ZC3H3: variants seen among roughly 807,000 people sequenced by gnomAD.
ZC3H3 encodes the protein zinc finger CCCH domain-containing protein 3.
In ZC3H3, 36 loss-of-function variants were observed where a neutral mutation model predicts 77.3. That is an observed-to-expected ratio of 0.47 (90% CI 0.36 to 0.61). The LOEUF (loss-of-function observed/expected upper bound fraction) is 0.61, where lower values mean the gene tolerates loss of function less well. Ranked by LOEUF, ZC3H3 falls within the 20% of genes least tolerant of loss-of-function variation. The pLI is 0.00. For missense variants in ZC3H3, 1,331 were observed against 1,312.2 expected (o/e 1.01, Z -0.22); for synonymous variants, 626 against 555.2 (o/e 1.13, Z -1.79).
chr8:143,442,748 A>C (rs1221761672), intron 9 of ZC3H3, among the ~76,000 whole-genome samples: 1 of 152,256 alleles, frequency 6.6e-6, no homozygotes, highest in Non-Finnish European at 1.5e-5. Context: ...ACTTAGTAGG[A>C]GCAAAATAAT....
rs956021689 is a variant in ZC3H3 at position 143,536,269 on chromosome 8, G to C, written c.1549C>G (p.Pro517Ala). 3.1e-6 allele frequency: 5 copies of C among 1,611,132 alleles called. No homozygotes were observed. The South Asian group carries it at 5.5e-5, about 18-fold the overall frequency. Residue 517 changes from proline (P) to alanine (A), a missense_variant, in exon 3 of 12, where the codon CCC becomes GCC. By Grantham distance (27) the Pro-to-Ala change is conservative. Coordinates refer to ENST00000262577, the MANE Select transcript of ZC3H3 (RefSeq NM_015117.3). Reference protein sequence around the residue: ...CRLPPSRAHLPTKEASSLHAV... With the variant: ...CRLPPSRAHLATKEASSLHAV... Reference sequence around the variant, plus strand: ...GCTCCCAGCATACCTTCCTTGGTGGGGAGGTGGGCCCGGCTCGGTGGCAGG... The same window carrying C: ...GCTCCCAGCATACCTTCCTTGGTGGCGAGGTGGGCCCGGCTCGGTGGCAGG...
chr8:143,509,696 A>G (rs971865014), intron 3 of ZC3H3, among the ~76,000 whole-genome samples: 2 of 152,206 alleles, frequency 1.3e-5, no homozygotes, highest in Non-Finnish European at 2.9e-5. Context: ...AGTCCTGCTC[A>G]GAGGCCAGGT....
At chr8:143,521,210 G>C (rs997702428) in intron 3 of ZC3H3, among the ~76,000 whole-genome samples, 3 of 152,240 alleles carry the variant, frequency 2.0e-5, no homozygotes, top group Non-Finnish European at 4.4e-5. Context: ...AAGGAGGCTG[G>C]AGACACAGGG....
intron 5 of ZC3H3, among the ~76,000 whole-genome samples, chr8:143,470,323 T>C (rs1820528787): frequency 6.6e-6 from 1 of 152,036 alleles, no homozygotes; most frequent in Non-Finnish European, 1.5e-5. Context: ...TCATGGTACC[T>C]GGGGCAGGAA....
intron 10 of ZC3H3, among the ~76,000 whole-genome samples, 157 bp from the exon 11 acceptor site, chr8:143,440,520 G>A (rs1819712512): frequency 6.6e-6 from 1 of 152,206 alleles, no homozygotes; most frequent in Non-Finnish European, 1.5e-5. Flanking sequence ...TTGGCCGCAA[G>A]GACAGGCTGG....
chr8:143,468,852 G>C (rs952693636), intron 5 of ZC3H3, among the ~76,000 whole-genome samples, 193 bp from the exon 6 acceptor site: 2 of 152,198 alleles, frequency 1.3e-5, no homozygotes, highest in Non-Finnish European at 2.9e-5. Context: ...GGCCCCTCTG[G>C]GGACACAGCA....
chr8:143,471,480 G>A (rs1451249057), intron 5 of ZC3H3, among the ~76,000 whole-genome samples: 2 of 152,250 alleles, frequency 1.3e-5, no homozygotes, highest in African/African-American at 2.4e-5. Context: ...GGGCTTTGGG[G>A]ACACAGAACA....
intron 3 of ZC3H3, among the ~76,000 whole-genome samples, chr8:143,529,584 A>G (rs1319124134): frequency 1.2e-4 from 19 of 152,166 alleles, no homozygotes; most frequent in Admixed American, 1.2e-3. Context: ...GTTCCAGGAA[A>G]TGTCGCACCA....
intron 3 of ZC3H3, among the ~76,000 whole-genome samples, chr8:143,512,875 G>C (rs1309554622): frequency 6.6e-6 from 1 of 152,232 alleles, no homozygotes; most frequent in Non-Finnish European, 1.5e-5. Context: ...CAGTGGCGCG[G>C]GGAGGTACAC....
chr8:143,539,101 TCGG>T lies in ZC3H3; in HGVS notation c.263_265del (p.Ala88del). The T allele has an allele frequency of 6.2e-7, 1 of 1,612,760 alleles. No homozygotes were observed. The highest frequency in any genetic ancestry group is 1.6e-4 in the Middle Eastern group (1 of 6,062). On this transcript the variant is annotated inframe_deletion, in exon 2 of 12. Coordinates refer to ENST00000262577, the MANE Select transcript of ZC3H3 (RefSeq NM_015117.3). ...CCCGTGCAACGGCCGCACAGCATGG[TCGG>T]CAGGAGGGTCTGAGGGTCCCGGGGG... is the stretch of plus-strand genomic sequence containing the variant.
intron 3 of ZC3H3, among the ~76,000 whole-genome samples, chr8:143,520,861 TA>T (rs1822219241): frequency 2.0e-5 from 3 of 152,144 alleles, no homozygotes; most frequent in Admixed American, 6.5e-5. Flanking sequence ...GCCCAGGAGC[TA>T]GGCCAGGAGC....
At chr8:143,439,393 T>A (rs1200649922) in intron 11 of ZC3H3, among the ~76,000 whole-genome samples, 1 of 152,202 alleles carries the variant, frequency 6.6e-6, no homozygotes, top group African/African-American at 2.4e-5. Context: ...GTCGCAAATT[T>A]GCAGCCCGCC....
chr8:143,527,750 G>C (rs1392865350), intron 3 of ZC3H3, among the ~76,000 whole-genome samples: 2 of 152,294 alleles, frequency 1.3e-5, no homozygotes, highest in East Asian at 3.9e-4. Flanking sequence ...ACATACCCCA[G>C]AGGCACCAGG....
In ZC3H3 at chr8:143,538,701, A is replaced by T; in HGVS notation, c.666T>A (p.Ser222Arg). 6.2e-7 allele frequency: 1 copy of T among 1,608,154 alleles called. No homozygotes were observed. The highest frequency in any genetic ancestry group is 2.2e-5 in the East Asian group (1 of 44,858). The change falls in exon 2 of 12, where the codon AGT becomes AGA. Residue 222 changes from serine to arginine, a missense_variant. Transcript: ENST00000262577. ...PREPRRTVSE[S>R]VIAVKASFPS... is the part of the protein sequence containing the mutation. ...GGAAGCTCGCCTTGACGGCAATCACACTCTCACTGACTGTCCGGCGGGGCT... is the reference window on the plus strand; with the variant it reads ...GGAAGCTCGCCTTGACGGCAATCACTCTCTCACTGACTGTCCGGCGGGGCT...
Position 143,441,138 on chromosome 8 carries a change from G to A in ZC3H3, c.2308-18C>T, listed in dbSNP as rs369757144. 3.6e-6 allele frequency: 5 copies of A among 1,393,000 alleles called. No homozygotes were observed. The highest frequency in any genetic ancestry group is 3.7e-6 in the Non-Finnish European group (4 of 1,080,382). The allele number at this position is 1,393,000 out of a possible 1,614,324, so 86.3% of individuals were successfully genotyped here. On this transcript the variant is annotated intron_variant, in intron 9 of 11. Coordinates refer to ENST00000262577, the MANE Select transcript of ZC3H3 (RefSeq NM_015117.3). ...TTCTTGCACTGCAGAGAGAAGGGGT[G>A]CAGGTGGGTGGGCCGGCTGGAGGCT... is the stretch of plus-strand genomic sequence containing the variant.
chr8:143,478,858 T>C (rs1586906216), intron 4 of ZC3H3, among the ~76,000 whole-genome samples: 2 of 152,152 alleles, frequency 1.3e-5, no homozygotes, highest in South Asian at 2.1e-4. Flanking sequence ...CTTGTCCCCT[T>C]CTCTTCCCTC....
At chr8:143,474,917 C>T (rs936863398) in intron 5 of ZC3H3, among the ~76,000 whole-genome samples, 24 of 152,370 alleles carry the variant, frequency 1.6e-4, no homozygotes, top group African/African-American at 5.5e-4. Flanking sequence ...TTACGGGCGC[C>T]GCGGCCCCAG....
chr8:143,465,613 G>A, intron 9 of ZC3H3, 104 bp downstream of exon 9: 1 of 1,534,164 alleles, frequency 6.5e-7, no homozygotes, highest in Admixed American at 1.8e-5. Flanking sequence ...CCACCTCAGG[G>A]CTGCAGATGG....
At position 143,481,676 on chromosome 8, in the gene ZC3H3, C is replaced by T. The variant is rs1235567040; in HGVS notation, c.1716-6091G>A. On this transcript the variant is annotated intron_variant, in intron 4 of 11. Transcript: ENST00000262577. ...GGGACGATGGGGACCTTCCAGGACC[C>T]TCGTGTTGTCGCTCTGCACCTCCGG... Among the ~76,000 whole-genome samples, 3 of 152,252 alleles carry T rather than the reference C, an allele frequency of 2.0e-5. No individual in the cohort carries two copies. The East Asian group carries it at 5.8e-4, about 29-fold the overall frequency.
Sources: gnomAD v4.1 joint callset for allele counts (sites outside exome capture counted in the v4.1 genomes callset) on GRCh38, gnomAD v4.1.1 for gene constraint, MANE v1.5 for transcripts, NCBI Gene and HGNC (gene_info 2026-07-23, HGNC 2026-07-21) for gene names.